The following EFNA5 variants were observed in gnomAD, a reference collection of about 807,000 sequenced individuals.
EFNA5 encodes ephrin A5.
EFNA5 carries 5 observed loss-of-function variants against 22.9 expected under a neutral mutation model. The observed-to-expected ratio is 0.22, with a 90% CI of 0.11 to 0.46. The LOEUF (loss-of-function observed/expected upper bound fraction) is 0.46, where lower values mean the gene tolerates loss of function less well. Ranked by LOEUF, EFNA5 falls within the 20% of genes least tolerant of loss-of-function variation. EFNA5 has a pLI of 0.99. For synonymous variants in EFNA5, 113 were observed against 112.2 expected, an observed-to-expected ratio of 1.01 and a Z score of -0.04; for missense variants, 237 against 293.3, an observed-to-expected ratio of 0.81 and a Z score of 1.40.
In EFNA5 at chr5:107,616,658, C is replaced by T. The variant is rs186551011; in HGVS notation, c.125+53831G>A. ...CTGGACAAAGGAAGAAAGAAAAGAGCCACATTTCAGTTGCTAGTAGAAAGT... is the reference window on the plus strand; with the variant it reads ...CTGGACAAAGGAAGAAAGAAAAGAGTCACATTTCAGTTGCTAGTAGAAAGT... On this transcript the variant is annotated intron_variant, in intron 1 of 4. Transcript: ENST00000333274. Among the ~76,000 whole-genome samples the T allele has an allele frequency of 3.0e-4, 45 of 152,160 alleles. No homozygotes were observed. In the East Asian group the frequency reaches 8.5e-3, roughly 29 times the overall value.
chr5:107,394,519 G>C (rs1747869475), intron 2 of EFNA5, among the ~76,000 whole-genome samples: 1 of 152,152 alleles, frequency 6.6e-6, no homozygotes, highest in African/African-American at 2.4e-5. Flanking sequence ...TTAACACCAG[G>C]GAACTGTAAC....
intron 1 of EFNA5, among the ~76,000 whole-genome samples, chr5:107,434,449 T>C (rs1319411306): frequency 1.3e-5 from 2 of 152,214 alleles, no homozygotes; most frequent in Non-Finnish European, 2.9e-5. Flanking sequence ...TGAGTTCATC[T>C]TTAGCCACTT....
chr5:107,580,773 C>T (rs919817082), intron 1 of EFNA5, among the ~76,000 whole-genome samples: 2 of 150,636 alleles, frequency 1.3e-5, no homozygotes. Flanking sequence ...GAAAAACAAC[C>T]ACAAACACCA....
intron 1 of EFNA5, among the ~76,000 whole-genome samples, chr5:107,569,423 A>ATG (rs1425289173): frequency 2.1e-5 from 3 of 144,320 alleles, no homozygotes; most frequent in Admixed American, 7.0e-5. Context: ...ATTTATGTAT[A>ATG]TGTGTGTATA....
intron 1 of EFNA5, among the ~76,000 whole-genome samples, chr5:107,571,409 A>T (rs1243683506): frequency 6.6e-6 from 1 of 152,088 alleles, no homozygotes; most frequent in East Asian, 1.9e-4. Context: ...CTGTCGGGGA[A>T]AAACATTACC....
At chr5:107,408,072 C>T (rs1294224307) in intron 2 of EFNA5, among the ~76,000 whole-genome samples, 1 of 152,112 alleles carries the variant, frequency 6.6e-6, no homozygotes, top group East Asian at 1.9e-4. Flanking sequence ...CTCCTAATGG[C>T]TACCAGGCCC....
intron 1 of EFNA5, among the ~76,000 whole-genome samples, chr5:107,540,799 T>G (rs558059940): frequency 1.3e-5 from 2 of 152,212 alleles, no homozygotes; most frequent in South Asian, 2.1e-4. Context: ...TGAATAAACA[T>G]TTCTGTTTAG....
chr5:107,475,798 T>C (rs972240408), intron 1 of EFNA5, among the ~76,000 whole-genome samples: 1 of 151,660 alleles, frequency 6.6e-6, no homozygotes, highest in Non-Finnish European at 1.5e-5. Flanking sequence ...TGTGTTGTTC[T>C]ACCTGAGATG....
chr5:107,538,186 C>T (rs186398864), intron 1 of EFNA5, among the ~76,000 whole-genome samples: 90 of 152,250 alleles, frequency 5.9e-4, no homozygotes, highest in Middle Eastern at 3.4e-3. Context: ...TCATTTAGTA[C>T]GTAGTTTGAG....
intron 1 of EFNA5, among the ~76,000 whole-genome samples, chr5:107,549,687 G>A (rs576415519): frequency 6.6e-6 from 1 of 152,368 alleles, no homozygotes; most frequent in African/African-American, 2.4e-5. Flanking sequence ...TAAGAGGGAA[G>A]GGAGAAGGGC....
intron 1 of EFNA5, among the ~76,000 whole-genome samples, chr5:107,553,905 C>A (rs868787989): frequency 2.0e-5 from 3 of 152,242 alleles, no homozygotes; most frequent in Admixed American, 2.0e-4. Flanking sequence ...AAAAAAAAGA[C>A]AACCCCACAC....
chr5:107,393,790 CAATA>C (rs1561367058), intron 2 of EFNA5, among the ~76,000 whole-genome samples: 1 of 152,104 alleles, frequency 6.6e-6, no homozygotes, highest in Non-Finnish European at 1.5e-5. Flanking sequence ...ATTCCTTTCA[CAATA>C]AATGCTGAAA....
chr5:107,624,642 T>G (rs536185043), intron 1 of EFNA5, among the ~76,000 whole-genome samples: 1 of 152,108 alleles, frequency 6.6e-6, no homozygotes, highest in Non-Finnish European at 1.5e-5. Flanking sequence ...GCAGCAGAAA[T>G]AGTCTTCCTG....
chr5:107,423,300 C>T (rs917870864), intron 2 of EFNA5, among the ~76,000 whole-genome samples: 2 of 151,894 alleles, frequency 1.3e-5, no homozygotes, highest in Admixed American at 1.3e-4. Context: ...TTCCCTTTAC[C>T]CCTTCTGATG....
At chr5:107,639,822 G>C (rs1267467423) in intron 1 of EFNA5, among the ~76,000 whole-genome samples, 1 of 152,112 alleles carries the variant, frequency 6.6e-6, no homozygotes, top group African/African-American at 2.4e-5. Context: ...GCCAGTAAGA[G>C]TGTAATGAAA....
chr5:107,595,439 A>C (rs912649874), intron 1 of EFNA5, among the ~76,000 whole-genome samples: 1 of 152,092 alleles, frequency 6.6e-6, no homozygotes, highest in African/African-American at 2.4e-5. Flanking sequence ...ATAAAGCTTA[A>C]ATATACCATT....
chr5:107,656,028 C>G (rs1000680409), intron 1 of EFNA5, among the ~76,000 whole-genome samples: 1 of 152,106 alleles, frequency 6.6e-6, no homozygotes, highest in African/African-American at 2.4e-5. Flanking sequence ...CCCAGCTGCC[C>G]GTAAGGAGCA....
At chr5:107,504,844 C>T (rs958459098) in intron 1 of EFNA5, among the ~76,000 whole-genome samples, 1 of 151,964 alleles carries the variant, frequency 6.6e-6, no homozygotes, top group East Asian at 1.9e-4. Flanking sequence ...TAGGAATAAC[C>T]CTAATTATTT....
chr5:107,407,099 A>G (rs1195089357), intron 2 of EFNA5, among the ~76,000 whole-genome samples: 1 of 152,230 alleles, frequency 6.6e-6, no homozygotes, highest in Non-Finnish European at 1.5e-5. Flanking sequence ...CGTACCTTTG[A>G]AAAAACTTAT....
Sources: gnomAD v4.1 joint callset for allele counts (sites outside exome capture counted in the v4.1 genomes callset) on GRCh38, gnomAD v4.1.1 for gene constraint, MANE v1.5 for transcripts, NCBI Gene and HGNC (gene_info 2026-07-23, HGNC 2026-07-21) for gene names.